The following THSD7B variants were observed in gnomAD, a reference collection of about 807,000 sequenced individuals.
The protein encoded by THSD7B is thrombospondin type 1 domain containing 7B, also known as thrombospondin type-1 domain-containing protein 7B.
Under a neutral mutation model 213.6 loss-of-function variants are expected in THSD7B, and 138 were observed. The observed-to-expected ratio is 0.65, with a 90% CI of 0.56 to 0.74. The LOEUF is 0.74. THSD7B is among the 30% of genes least tolerant of loss of function. The probability of loss-of-function intolerance (pLI) is 0.00; values close to 1 mark genes in which losing one functional copy is unlikely to be tolerated. For synonymous variants in THSD7B, 742 were observed against 687.0 expected, an observed-to-expected ratio of 1.08 and a Z score of -1.25; for missense variants, 1,931 against 1,991.5, an observed-to-expected ratio of 0.97 and a Z score of 0.58.
chr2:137,432,321 T>G (rs1687205466), intron 14 of THSD7B, among the ~76,000 whole-genome samples: 1 of 151,970 alleles, frequency 6.6e-6, no homozygotes, highest in Non-Finnish European at 1.5e-5. Flanking sequence ...AATTTGGGAG[T>G]CGGAGGTTGC....
chr2:136,922,412 G>C (rs1028137981), intron 2 of THSD7B, among the ~76,000 whole-genome samples: 1 of 152,194 alleles, frequency 6.6e-6, no homozygotes, highest in Non-Finnish European at 1.5e-5. Context: ...GTGGTGGAGA[G>C]AGAAAAGGAG....
intron 3 of THSD7B, among the ~76,000 whole-genome samples, chr2:137,093,347 T>C (rs1157315579): frequency 6.6e-6 from 1 of 152,166 alleles, no homozygotes; most frequent in Non-Finnish European, 1.5e-5. Flanking sequence ...TGTTTAACAA[T>C]CAGTTCTCAG....
chr2:137,004,524 C>T (rs1193701065), intron 2 of THSD7B, among the ~76,000 whole-genome samples: 1 of 152,130 alleles, frequency 6.6e-6, no homozygotes, highest in East Asian at 1.9e-4. Flanking sequence ...TACAAAAATA[C>T]AAATACATCC....
At chr2:137,285,423 G>GT (rs1250213077) in intron 12 of THSD7B, among the ~76,000 whole-genome samples, 2 of 152,052 alleles carry the variant, frequency 1.3e-5, no homozygotes, top group Non-Finnish European at 2.9e-5. Context: ...ATTGTTATGT[G>GT]TGAATTTGAT....
intron 7 of THSD7B, among the ~76,000 whole-genome samples, chr2:137,183,430 T>C (rs1262220439): frequency 6.6e-6 from 1 of 152,044 alleles, no homozygotes; most frequent in African/African-American, 2.4e-5. Flanking sequence ...TCTGCAAGAG[T>C]GGAGTGTCTG....
Position 137,509,525 on chromosome 2 carries a change from G to T in THSD7B, c.3139-53696G>T, listed in dbSNP as rs569544358. On this transcript the variant is annotated intron_variant, in intron 15 of 27. Transcript: ENST00000409968. ...ATCTATATTGAATTTTATTTGTTTG[G>T]TCATTATCTGTATATTTTTAATTAT... 2.0e-5 allele frequency among the ~76,000 whole-genome samples: 3 copies of T among 151,650 alleles called. No individual in the cohort carries two copies. The East Asian group carries it at 5.8e-4, about 29-fold the overall frequency.
Position 136,765,602 on chromosome 2 carries a change from C to T in THSD7B, c.-121C>T, listed in dbSNP as rs66806674. The T allele has an allele frequency of 0.14, 21,484 of 152,402 alleles. 2,212 individuals carry two copies. Among genetic ancestry groups the T allele is most frequent in the Non-Finnish European group, 0.22 (15,097 of 68,178 alleles). 9.4% of individuals were successfully genotyped at this position (152,402 alleles called of 1,614,324 possible). On this transcript the variant is annotated 5_prime_UTR_variant, in exon 1 of 28. Coordinates refer to ENST00000409968, the MANE Select transcript of THSD7B (RefSeq NM_001316349.2). ...CCAGACGCTGGAATGGGTGGTCTTC[C>T]GACACACACCACCATCTTTCTTGCG...
chr2:136,892,698 A>G (rs1683884205), intron 2 of THSD7B, among the ~76,000 whole-genome samples: 1 of 151,836 alleles, frequency 6.6e-6, no homozygotes, highest in South Asian at 2.1e-4. Context: ...AGGAAGGGAC[A>G]GAGGAAAGGA....
chr2:137,297,160 G>T (rs1000220632), intron 12 of THSD7B, among the ~76,000 whole-genome samples: 1 of 148,270 alleles, frequency 6.7e-6, no homozygotes, highest in African/African-American at 2.5e-5. Context: ...GCTTGCACCT[G>T]TAGTGCCATC....
At chr2:137,434,890 C>T (rs527491373) in intron 14 of THSD7B, among the ~76,000 whole-genome samples, 33 of 152,292 alleles carry the variant, frequency 2.2e-4, no homozygotes, top group African/African-American at 6.0e-4. Flanking sequence ...CAGCTGCAAA[C>T]ATTTTTTTCT....
chr2:137,571,818 GT>G (rs927353957), intron 16 of THSD7B, among the ~76,000 whole-genome samples: 4 of 150,170 alleles, frequency 2.7e-5, no homozygotes, highest in African/African-American at 9.8e-5. Flanking sequence ...ATTGCCCTTT[GT>G]TTTTTTTTGA....
intron 1 of THSD7B, among the ~76,000 whole-genome samples, chr2:136,837,495 T>A (rs1255889354): frequency 6.6e-6 from 1 of 152,252 alleles, no homozygotes; most frequent in Non-Finnish European, 1.5e-5. Context: ...TCCTTCCTCA[T>A]GTCATTCAGA....
chr2:137,177,566 G>A (rs1490901614), intron 7 of THSD7B, among the ~76,000 whole-genome samples: 1 of 152,148 alleles, frequency 6.6e-6, no homozygotes, highest in Non-Finnish European at 1.5e-5. Flanking sequence ...CTACCCCAGA[G>A]TTTCTGATTC....
Position 137,188,852 on chromosome 2 carries a change from A to G in THSD7B, c.1723+17914A>G, listed in dbSNP as rs1401164096. Among the ~76,000 whole-genome samples, 4 of 152,210 alleles carry G rather than the reference A, an allele frequency of 2.6e-5. No individual in the cohort carries two copies. In the East Asian group the frequency reaches 7.7e-4, roughly 29 times the overall value. ...TATATGGATATTAGCCATACCAGGC[A>G]TTTATCAGAAACATATATTGAACTG... On this transcript the variant is annotated intron_variant, in intron 7 of 27. Transcript: ENST00000409968.
At chr2:137,573,051 A>G (rs1037169878) in intron 17 of THSD7B, among the ~76,000 whole-genome samples, 8 of 146,370 alleles carry the variant, frequency 5.5e-5, no homozygotes, top group Non-Finnish European at 1.1e-4. Flanking sequence ...TCCAAAGCTA[A>G]CAAAAATACC....
rs1683709469 is a variant in THSD7B at position 137,676,673 on chromosome 2, T to G, written c.*68T>G. 7 of 1,388,694 alleles carry G rather than the reference T, an allele frequency of 5.0e-6. No individual in the cohort carries two copies. Among genetic ancestry groups the G allele is most frequent in the South Asian group, 1.5e-5 (1 of 68,670 alleles). The allele number at this position is 1,388,694 out of a possible 1,614,324, so 86.0% of individuals were successfully genotyped here. A position where few individuals can be genotyped will look rare whatever the true frequency, so the allele number is the denominator to read the frequency against. ...GCTTTCTCTTTTGTAGCTCTCAGAC[T>G]TCTCAGTTTTTTGAGGAATCTCAAG... On this transcript the variant is annotated 3_prime_UTR_variant, in exon 28 of 28. Coordinates refer to ENST00000409968, the MANE Select transcript of THSD7B (RefSeq NM_001316349.2).
chr2:137,252,304 G>A lies in THSD7B; in HGVS notation c.2266+9732G>A, dbSNP rs545361883. On this transcript the variant is annotated intron_variant, in intron 10 of 27. Transcript: ENST00000409968. The stretch of plus-strand genomic sequence containing the variant: ...AAAAAAAAAAAACAAAGGGTTGGGG[G>A]GCTTGATGGGAATTTATAACAGATC... 3.4e-3 allele frequency among the ~76,000 whole-genome samples: 516 copies of A among 151,576 alleles called. 3 individuals carry two copies. The highest frequency in any genetic ancestry group is 9.5e-3 in the African/African-American group (394 of 41,266).
chr2:137,166,254 G>C lies in THSD7B; in HGVS notation c.1526-4487G>C, dbSNP rs370868926. ...TTCAGAGGAATTTAAATTGGGTCAGGTTTTATCATTTATTGCTTTGTCTTT... is the reference window on the plus strand; with the variant it reads ...TTCAGAGGAATTTAAATTGGGTCAGCTTTTATCATTTATTGCTTTGTCTTT... On this transcript the variant is annotated intron_variant, in intron 6 of 27. Coordinates refer to ENST00000409968, the MANE Select transcript of THSD7B (RefSeq NM_001316349.2). Among the ~76,000 whole-genome samples, 10 of 151,944 alleles carry C rather than the reference G, an allele frequency of 6.6e-5. No individual in the cohort carries two copies. In the East Asian group the frequency reaches 1.9e-3, roughly 29 times the overall value.
intron 3 of THSD7B, among the ~76,000 whole-genome samples, chr2:137,085,120 G>T (rs944365690): frequency 2.0e-5 from 3 of 152,214 alleles, no homozygotes; most frequent in African/African-American, 7.2e-5. Context: ...AGAGATAGGG[G>T]ATTCCTATCC....
Sources: allele counts gnomAD v4.1 joint callset (sites outside exome capture counted in the v4.1 genomes callset), GRCh38; gene constraint gnomAD v4.1.1; transcripts MANE v1.5; gene names NCBI Gene and HGNC (gene_info 2026-07-23, HGNC 2026-07-21).